Variants in DOCK3 observed in about 807,000 individuals in gnomAD.
DOCK3 encodes the protein dedicator of cytokinesis protein 3.
DOCK3 carries 60 observed loss-of-function variants against 265.6 expected under a neutral mutation model. The ratio of observed to expected loss-of-function variants is 0.23; its 90% confidence interval spans 0.18 to 0.28. The LOEUF (loss-of-function observed/expected upper bound fraction) is 0.28, where lower values mean the gene tolerates loss of function less well. Ranked by LOEUF, DOCK3 falls within the 10% of genes least tolerant of loss-of-function variation. The probability of loss-of-function intolerance (pLI) is 1.00; values close to 1 mark genes in which losing one functional copy is unlikely to be tolerated. For synonymous variants in DOCK3, 881 were observed against 938.0 expected (o/e 0.94, Z 1.11); for missense variants, 1,981 against 2,594.3 (o/e 0.76, Z 5.14).
chr3:50,970,613 T>A (rs1431584251), intron 5 of DOCK3, among the ~76,000 whole-genome samples: 2 of 151,696 alleles, frequency 1.3e-5, no homozygotes, highest in Admixed American at 1.3e-4. Flanking sequence ...AGAAGTTCTA[T>A]TTGGTTTTTC....
intron 3 of DOCK3, among the ~76,000 whole-genome samples, chr3:50,889,073 GT>G (rs2048505853): frequency 7.3e-6 from 1 of 136,134 alleles, no homozygotes; most frequent in African/African-American, 3.1e-5. Context: ...ATGGGTGTGT[GT>G]GTGTGTGTGT....
At chr3:50,871,638 T>A (rs924775058) in intron 3 of DOCK3, among the ~76,000 whole-genome samples, 4 of 152,208 alleles carry the variant, frequency 2.6e-5, no homozygotes, top group African/African-American at 9.6e-5. Flanking sequence ...TACCTCCTCT[T>A]TAATGCCAAC....
chr3:51,347,843 G>A (rs2085695160), intron 38 of DOCK3, among the ~76,000 whole-genome samples: 1 of 152,164 alleles, frequency 6.6e-6, no homozygotes, highest in Non-Finnish European at 1.5e-5. Flanking sequence ...TCTTCTTGAA[G>A]AGGTCCTTCA....
intron 2 of DOCK3, among the ~76,000 whole-genome samples, chr3:50,824,082 A>G (rs1165052618): frequency 3.3e-5 from 5 of 152,218 alleles, no homozygotes; most frequent in Non-Finnish European, 4.4e-5. Flanking sequence ...CTAAGTTTAG[A>G]AAGACCACTG....
chr3:50,837,227 C>CT (rs1192329814), intron 2 of DOCK3, among the ~76,000 whole-genome samples: 1 of 152,136 alleles, frequency 6.6e-6, no homozygotes, highest in Admixed American at 6.5e-5. Context: ...TTTGGGTATC[C>CT]TTATAGCAGC....
intron 9 of DOCK3, among the ~76,000 whole-genome samples, chr3:51,124,482 G>T (rs1237949871): frequency 6.6e-6 from 1 of 152,142 alleles, no homozygotes; most frequent in Non-Finnish European, 1.5e-5. Flanking sequence ...AAAACCTGGT[G>T]GGCTGAATGA....
chr3:51,272,277 T>C (rs1369825980), intron 24 of DOCK3, among the ~76,000 whole-genome samples: 1 of 101,760 alleles, frequency 9.8e-6, no homozygotes. Context: ...TTTTTAGGTT[T>C]GACTTTTTTT....
intron 25 of DOCK3, 140 bp from the exon 26 acceptor site, chr3:51,277,468 C>T (rs1439753347): frequency 8.8e-7 from 1 of 1,138,698 alleles, no homozygotes; most frequent in Non-Finnish European, 1.2e-6. Context: ...GGTGCCTTGA[C>T]ACTGCATGTT....
chr3:51,177,574 A>G (rs529299654), intron 12 of DOCK3, among the ~76,000 whole-genome samples: 3 of 152,364 alleles, frequency 2.0e-5, no homozygotes, highest in South Asian at 2.1e-4. Flanking sequence ...AGAACAAACC[A>G]TATAGTTCAA....
intron 1 of DOCK3, among the ~76,000 whole-genome samples, chr3:50,698,517 G>GTTTATTTTTTTTTTTTTTTTTTTTTTTTT (rs2035794476): frequency 5.1e-5 from 1 of 19,506 alleles, no homozygotes; most frequent in Non-Finnish European, 1.2e-4. Flanking sequence ...TATGTTTTTG[G>GTTTATTTTTTTTTTTTTTTTTTTTTTTTT]TTTTTTTTTT....
At chr3:50,703,595 G>T (rs2036195541) in intron 1 of DOCK3, among the ~76,000 whole-genome samples, 1 of 151,718 alleles carries the variant, frequency 6.6e-6, no homozygotes, top group Non-Finnish European at 1.5e-5. Context: ...ATTTTCGTTA[G>T]GGTTTCCAAT....
intron 1 of DOCK3, among the ~76,000 whole-genome samples, chr3:50,711,483 C>T (rs1409830013): frequency 1.3e-5 from 2 of 152,014 alleles, no homozygotes; most frequent in East Asian, 1.9e-4. Flanking sequence ...AGGATGGTCT[C>T]GATCTCCTGA....
chr3:50,710,924 C>A (rs868074723), intron 1 of DOCK3, among the ~76,000 whole-genome samples: 3 of 152,126 alleles, frequency 2.0e-5, no homozygotes, highest in African/African-American at 4.8e-5. Flanking sequence ...AAATATCATA[C>A]GTTCTCACTT....
intron 27 of DOCK3, among the ~76,000 whole-genome samples, chr3:51,283,799 G>T (rs144181065): frequency 6.6e-6 from 1 of 151,944 alleles, no homozygotes; most frequent in African/African-American, 2.4e-5. Context: ...GAACAAAGGG[G>T]ACTGGCATAT....
intron 10 of DOCK3, among the ~76,000 whole-genome samples, chr3:51,148,192 GT>G (rs1375038938): frequency 6.6e-6 from 1 of 152,070 alleles, no homozygotes; most frequent in East Asian, 1.9e-4. Flanking sequence ...GGGATTCTTT[GT>G]TTTTACTCTT....
chr3:51,308,953 G>A (rs1192926538), intron 27 of DOCK3, among the ~76,000 whole-genome samples: 16 of 151,754 alleles, frequency 1.1e-4, no homozygotes, highest in African/African-American at 1.9e-4. Context: ...ACGGGGTCGC[G>A]GCCGGGCAGA....
At chr3:51,092,010 G>A (rs556207743) in intron 9 of DOCK3, among the ~76,000 whole-genome samples, 62 of 152,322 alleles carry the variant, frequency 4.1e-4, no homozygotes, top group Admixed American at 7.2e-4. Flanking sequence ...TTTGCAACCC[G>A]CAGACCAGGA....
chr3:51,123,583 T>C (rs2084131125), intron 9 of DOCK3, among the ~76,000 whole-genome samples: 1 of 152,222 alleles, frequency 6.6e-6, no homozygotes, highest in Non-Finnish European at 1.5e-5. Context: ...CAAGCTTCTT[T>C]GTGCTCTCTG....
chr3:51,202,907 A>T (rs1443339055), intron 12 of DOCK3, among the ~76,000 whole-genome samples: 4 of 152,058 alleles, frequency 2.6e-5, no homozygotes, highest in African/African-American at 7.3e-5. Flanking sequence ...ACAGAACCAA[A>T]GACAAAAACC....
Sources: allele counts gnomAD v4.1 joint callset (sites outside exome capture counted in the v4.1 genomes callset), GRCh38; gene constraint gnomAD v4.1.1; transcripts MANE v1.5; gene names NCBI Gene and HGNC (gene_info 2026-07-23, HGNC 2026-07-21).